The following TSPAN14 variants were observed in gnomAD, a reference collection of about 807,000 sequenced individuals.
The protein encoded by TSPAN14 is tetraspanin-14.
In TSPAN14, 16 loss-of-function variants were observed where a neutral mutation model predicts 36.6. The ratio of observed to expected loss-of-function variants is 0.44; its 90% CI spans 0.30 to 0.66. The LOEUF (loss-of-function observed/expected upper bound fraction) is 0.66, where lower values mean the gene tolerates loss of function less well. Ranked by LOEUF, TSPAN14 falls within the 30% of genes least tolerant of loss-of-function variation. The pLI, the probability that TSPAN14 is intolerant of heterozygous loss-of-function variation, is 0.12. For synonymous variants in TSPAN14, 139 were observed against 143.8 expected (o/e 0.97, Z 0.24); for missense variants, 231 against 355.1 (o/e 0.65, Z 2.81).
chr10:80,509,207 C>A lies in TSPAN14; in HGVS notation c.280-94C>A. The stretch of plus-strand genomic sequence containing the variant: ...TCTCAGGTGCAGAGCCCACGCTCTG[C>A]TGAGGATGGTGGTTCTGGGTCAGGT... On this transcript the variant is annotated intron_variant, in intron 4 of 8. Coordinates refer to ENST00000429989, the Ensembl canonical transcript of TSPAN14. The surrounding 1 kb of genome is among the most constrained non-coding windows in gnomAD (Gnocchi z 4.7). The A allele has an allele frequency of 7.2e-7, 1 of 1,397,098 alleles. No homozygotes were observed. Among genetic ancestry groups the A allele is most frequent in the Non-Finnish European group, 9.8e-7 (1 of 1,015,946 alleles). The allele number at this position is 1,397,098 out of a possible 1,614,324, so 86.5% of individuals were successfully genotyped here.
chr10:80,495,496 C>T (rs1589277900), intron 2 of TSPAN14, among the ~76,000 whole-genome samples: 1 of 152,194 alleles, frequency 6.6e-6, no homozygotes, highest in Non-Finnish European at 1.5e-5. Flanking sequence ...TGCATGGCCT[C>T]AGCCCCTGAT....
chr10:80,501,223 C>T (rs567201512), intron 2 of TSPAN14, among the ~76,000 whole-genome samples: 6 of 151,188 alleles, frequency 4.0e-5, no homozygotes, highest in South Asian at 2.1e-4. Flanking sequence ...CCTCCCACCT[C>T]GGCCTCCCTG....
At chr10:80,514,038 A>G (rs781220549) in exon 7 of TSPAN14, 2 of 1,614,022 alleles carry the variant, frequency 1.2e-6, no homozygotes, top group South Asian at 1.1e-5. Flanking sequence ...GTGAACACAC[A>G]GTGTGGATAT....
intron 2 of TSPAN14, among the ~76,000 whole-genome samples, chr10:80,491,931 A>G (rs1847941704): frequency 1.3e-5 from 2 of 152,112 alleles, no homozygotes; most frequent in Non-Finnish European, 2.9e-5. Context: ...CCTGGTAGTG[A>G]TGTGCAGTCT....
At chr10:80,505,407 G>T (rs1840232760) in intron 3 of TSPAN14, among the ~76,000 whole-genome samples, 1 of 152,320 alleles carries the variant, frequency 6.6e-6, no homozygotes, top group East Asian at 1.9e-4. Context: ...TGGGGAGGCA[G>T]TGAGGGCTGA....
At chr10:80,468,251 G>T (rs945407013) in intron 1 of TSPAN14, among the ~76,000 whole-genome samples, 1 of 152,110 alleles carries the variant, frequency 6.6e-6, no homozygotes, top group Non-Finnish European at 1.5e-5. Flanking sequence ...ATTGTCTTCG[G>T]GGCCAGCCTG....
chr10:80,454,941 C>T lies in TSPAN14; in HGVS notation c.-18+570C>T, dbSNP rs370587215. ...CACGCCGCCGTGGGTCCCACTCTGCCCGGCTTGGGTTTGGGACGGCCGGAG... is the reference window on the plus strand; with the variant it reads ...CACGCCGCCGTGGGTCCCACTCTGCTCGGCTTGGGTTTGGGACGGCCGGAG... On this transcript the variant is annotated intron_variant, in intron 1 of 8. Coordinates refer to ENST00000429989, the Ensembl canonical transcript of TSPAN14. Among the ~76,000 whole-genome samples, 21 of 152,344 alleles carry T rather than the reference C, an allele frequency of 1.4e-4. 1 individual carries two copies. The East Asian group carries it at 2.3e-3, about 17-fold the overall frequency.
chr10:80,470,261 T>C (rs949762341), intron 1 of TSPAN14, among the ~76,000 whole-genome samples: 1 of 152,136 alleles, frequency 6.6e-6, no homozygotes, highest in African/African-American at 2.4e-5. Context: ...ATTTTTCTAT[T>C]TTTGTTAGAG....
chr10:80,463,573 A>C (rs567584484), intron 1 of TSPAN14, among the ~76,000 whole-genome samples: 1 of 152,194 alleles, frequency 6.6e-6, no homozygotes, highest in Non-Finnish European at 1.5e-5. Context: ...AGTTTAGTCC[A>C]TTCTTTTTAA....
At chr10:80,512,672 G>A (rs1435137715) in intron 6 of TSPAN14, among the ~76,000 whole-genome samples, 2 of 152,060 alleles carry the variant, frequency 1.3e-5, no homozygotes, top group Non-Finnish European at 2.9e-5. Flanking sequence ...GAACAGTAGT[G>A]GAGAATTATT....
In TSPAN14 at chr10:80,520,441, G is replaced by T. The variant is rs866115140; in HGVS notation, c.*2465G>T. ...CACAGAGGCACAGGGCAGGCCTCCT[G>T]TGCACTCCCCACCTAGCACTGGCCT... On this transcript the variant is annotated 3_prime_UTR_variant, in exon 9 of 9. Transcript: ENST00000429989. 9 of 425,182 alleles carry T rather than the reference G, an allele frequency of 2.1e-5. No homozygotes were observed. In the Middle Eastern group the frequency reaches 3.7e-3, roughly 177 times the overall value. The allele number at this position is 425,182 out of a possible 1,614,324, so 26.3% of individuals were successfully genotyped here.
chr10:80,498,695 G>T (rs1311391706), intron 2 of TSPAN14, among the ~76,000 whole-genome samples: 2 of 152,212 alleles, frequency 1.3e-5, no homozygotes, highest in Non-Finnish European at 2.9e-5. Context: ...TCACATCTCT[G>T]CTCTGTCTGC....
chr10:80,472,750 C>T (rs1181105044), intron 1 of TSPAN14, among the ~76,000 whole-genome samples: 1 of 152,176 alleles, frequency 6.6e-6, no homozygotes, highest in Non-Finnish European at 1.5e-5. Context: ...TTAGAATGGG[C>T]TCATGAATTC....
At chr10:80,486,366 C>A (rs976625022) in intron 1 of TSPAN14, among the ~76,000 whole-genome samples, 1 of 152,214 alleles carries the variant, frequency 6.6e-6, no homozygotes, top group Non-Finnish European at 1.5e-5. Context: ...GTTGAGATTC[C>A]CTGTGTTGCC....
Position 80,507,514 on chromosome 10 carries a change from G to A in TSPAN14, c.279+140G>A, listed in dbSNP as rs1009223819. On this transcript the variant is annotated intron_variant, in intron 4 of 8. Coordinates refer to ENST00000429989, the Ensembl canonical transcript of TSPAN14. The stretch of plus-strand genomic sequence containing the variant: ...GGCCCCTGCCTGGGAGCAGGAGGCA[G>A]CCATTTGCACTCTACTGTCTAGAGA... 1.7e-5 allele frequency: 21 copies of A among 1,211,126 alleles called. 1 individual carries two copies. In the East Asian group the frequency reaches 5.0e-4, roughly 29 times the overall value. 75.0% of individuals were successfully genotyped at this position (1,211,126 alleles called of 1,614,324 possible).
chr10:80,456,778 G>A (rs1296552703), intron 1 of TSPAN14, among the ~76,000 whole-genome samples: 1 of 152,234 alleles, frequency 6.6e-6, no homozygotes, highest in Non-Finnish European at 1.5e-5. Context: ...AAACAGCTGT[G>A]ATGGCTGGGC....
chr10:80,475,580 C>T (rs998326808), intron 1 of TSPAN14, among the ~76,000 whole-genome samples: 1 of 152,066 alleles, frequency 6.6e-6, no homozygotes, highest in Non-Finnish European at 1.5e-5. Flanking sequence ...TTTCTGCCCC[C>T]TTTCCCCATC....
At chr10:80,518,101 A>AGCGTG in exon 9 of TSPAN14, 1 of 1,006,802 alleles carries the variant, frequency 9.9e-7, no homozygotes, top group South Asian at 1.5e-5. Context: ...CTTAAGCATC[A>AGCGTG]GCGTGACGTG....
intron 5 of TSPAN14, among the ~76,000 whole-genome samples, chr10:80,511,896 CCA>C (rs1564745467): frequency 6.6e-6 from 1 of 151,808 alleles, no homozygotes; most frequent in Non-Finnish European, 1.5e-5. Flanking sequence ...AACCATCTTC[CCA>C]CCTCAACCTC....
Sources: gnomAD v4.1 joint callset for allele counts (sites outside exome capture counted in the v4.1 genomes callset) on GRCh38, gnomAD v4.1.1 for gene constraint, Gnocchi (gnomAD v3.1) non-coding constraint, MANE v1.5 for transcripts, NCBI Gene and HGNC (gene_info 2026-07-23, HGNC 2026-07-21) for gene names.